The following TMEM114 variants were observed in gnomAD, a reference collection of about 807,000 sequenced individuals.
TMEM114 encodes the protein transmembrane protein 114, also known as claudin-26.
TMEM114 carries 6 observed loss-of-function variants against 6.2 expected under a neutral mutation model. The observed-to-expected ratio is 0.97, with a 90% confidence interval of 0.53 to 1.91. The LOEUF is 1.91. TMEM114 is among the 40% of genes most tolerant of loss of function. The pLI is 0.01. For missense variants in TMEM114, 218 were observed against 158.3 expected (o/e 1.38, Z -2.02); for synonymous variants, 104 against 73.0 (o/e 1.42, Z -2.16).
intron 2 of TMEM114, among the ~76,000 whole-genome samples, chr16:8,587,527 A>C (rs1031288685): frequency 6.6e-6 from 1 of 152,242 alleles, no homozygotes; most frequent in African/African-American, 2.4e-5. Context: ...CAGCATGTGC[A>C]AAATATTTGT....
chr16:8,554,885 C>G (rs987663275), intron 2 of TMEM114, among the ~76,000 whole-genome samples: 1 of 152,194 alleles, frequency 6.6e-6, no homozygotes, highest in Non-Finnish European at 1.5e-5. Context: ...GCAGTTTGTC[C>G]TTCGTACCAC....
At chr16:8,564,383 G>A (rs1399072523) in intron 2 of TMEM114, among the ~76,000 whole-genome samples, 1 of 148,502 alleles carries the variant, frequency 6.7e-6, no homozygotes, top group Non-Finnish European at 1.5e-5. Flanking sequence ...GTGAATGAGT[G>A]AGGGAATGAG....
chr16:8,542,744 T>C (rs745434217), intron 2 of TMEM114, among the ~76,000 whole-genome samples: 1 of 152,110 alleles, frequency 6.6e-6, no homozygotes, highest in Non-Finnish European at 1.5e-5. Flanking sequence ...AGCCTGGGGT[T>C]AGTGGGTTAT....
chr16:8,557,927 T>A (rs1404578842), intron 2 of TMEM114, among the ~76,000 whole-genome samples: 2 of 152,156 alleles, frequency 1.3e-5, no homozygotes, highest in Non-Finnish European at 2.9e-5. Flanking sequence ...ACAACTGAAA[T>A]GTATTCTCTC....
At chr16:8,566,740 G>A (rs1024087634), downstream of TMEM114, among the ~76,000 whole-genome samples, 8 of 151,950 alleles carry the variant, frequency 5.3e-5, no homozygotes, top group Non-Finnish European at 1.0e-4. Context: ...CCACCTCAGG[G>A]CCTTTGCGTC....
intron 2 of TMEM114, among the ~76,000 whole-genome samples, chr16:8,538,813 C>T (rs1377530501): frequency 6.6e-6 from 1 of 152,030 alleles, no homozygotes; most frequent in Non-Finnish European, 1.5e-5. Context: ...CCCGGCCGTG[C>T]TGTGTTTTTA....
downstream of TMEM114, among the ~76,000 whole-genome samples, chr16:8,568,029 C>A (rs1019193153): frequency 2.0e-5 from 3 of 152,132 alleles, no homozygotes; most frequent in African/African-American, 4.8e-5. Flanking sequence ...GAAGTGCAGG[C>A]GTTGGTGGAA....
At chr16:8,564,027 A>G (rs1264930870) in intron 2 of TMEM114, among the ~76,000 whole-genome samples, 1 of 146,456 alleles carries the variant, frequency 6.8e-6, no homozygotes, top group Non-Finnish European at 1.5e-5. Context: ...GTGAATGAGT[A>G]AATGAGTGAC....
Position 8,538,894 on chromosome 16 carries a change from C to G in TMEM114, n.213-1068G>C, listed in dbSNP as rs556045557. 8.5e-5 allele frequency among the ~76,000 whole-genome samples: 13 copies of G among 152,204 alleles called. 1 individual carries two copies. In the South Asian group the frequency reaches 2.7e-3, roughly 32 times the overall value. On this transcript the variant is annotated intron_variant and non_coding_transcript_variant, in intron 2 of 2. Transcript: ENST00000623677. ...ATTTGAATACAGTAGATAAATTTGTCTTATATTTAAATTATATCATTTATA... is the reference window on the plus strand; with the variant it reads ...ATTTGAATACAGTAGATAAATTTGTGTTATATTTAAATTATATCATTTATA...
chr16:8,544,920 T>TTCTCTCTCTC lies in TMEM114; in HGVS notation n.213-7104_213-7095dup, dbSNP rs144585319. ...GTGGTTACTCTTCTCCTCAACATCTTTCTCTCTCTCTCTCTCTCTCTCCAC... is the reference window on the plus strand; with the variant it reads ...GTGGTTACTCTTCTCCTCAACATCTTTCTCTCTCTCTCTCTCTCTCTCTCTCTCTCTCCAC... On this transcript the variant is annotated intron_variant and non_coding_transcript_variant, in intron 2 of 2. Coordinates refer to the TMEM114 transcript ENST00000623677. 2.7e-3 allele frequency among the ~76,000 whole-genome samples: 403 copies of TTCTCTCTCTC among 147,942 alleles called. 1 individual carries two copies. Among genetic ancestry groups the TTCTCTCTCTC allele is most frequent in the African/African-American group, 8.6e-3 (345 of 40,222 alleles).
intron 2 of TMEM114, among the ~76,000 whole-genome samples, chr16:8,555,665 C>T (rs1900986603): frequency 6.6e-6 from 1 of 152,172 alleles, no homozygotes; most frequent in Non-Finnish European, 1.5e-5. Flanking sequence ...GTCGATGACT[C>T]CCCATGCATC....
downstream of TMEM114, among the ~76,000 whole-genome samples, chr16:8,534,019 T>C (rs1408998665): frequency 6.6e-6 from 1 of 152,198 alleles, no homozygotes; most frequent in Non-Finnish European, 1.5e-5. Flanking sequence ...TGAAAATGGC[T>C]CTCGTTTTGA....
chr16:8,589,287 C>T lies in TMEM114; in HGVS notation c.227G>A (p.Ser76Asn). Residue 76 changes from serine to asparagine, a missense_variant, in exon 2 of 4, where the codon AGC becomes AAC. Physicochemically the swap from Ser to Asn is conservative, Grantham distance 46. Transcript: ENST00000620492. ...SGLWRTCRVQ[S>N]PCTPLMNPFR... ...GGGGTTCATCAGCGGTGTGCACGGG[C>T]TCTGCACTGGATAGGACGGAGGAAT... The T allele has an allele frequency of 2.5e-6, 1 of 398,850 alleles. No individual in the cohort carries two copies. The highest frequency in any genetic ancestry group is 4.4e-6 in the Non-Finnish European group (1 of 226,238). The allele number at this position is 398,850 out of a possible 1,614,324, so 24.7% of individuals were successfully genotyped here. A position where few individuals can be genotyped will look rare whatever the true frequency, so the allele number is the denominator to read the frequency against.
At chr16:8,553,466 G>A (rs563437188) in intron 2 of TMEM114, among the ~76,000 whole-genome samples, 1 of 151,272 alleles carries the variant, frequency 6.6e-6, no homozygotes, top group Non-Finnish European at 1.5e-5. Flanking sequence ...GCACTATCTA[G>A]GCTCACTGCA....
At chr16:8,555,039 C>G (rs1297282956) in intron 2 of TMEM114, among the ~76,000 whole-genome samples, 1 of 152,230 alleles carries the variant, frequency 6.6e-6, no homozygotes, top group Admixed American at 6.5e-5. Context: ...CCTTCCCACT[C>G]ATGGGGTTTC....
At chr16:8,530,038 C>T in the TMEM114 span, among the ~76,000 whole-genome samples, 1 of 152,186 alleles carries the variant, frequency 6.6e-6, no homozygotes, top group Non-Finnish European at 1.5e-5. Flanking sequence ...AATTTTACTC[C>T]ATACCAATTC....
chr16:8,576,747 GA>G (rs1901949198), intron 2 of TMEM114, among the ~76,000 whole-genome samples: 1 of 151,476 alleles, frequency 6.6e-6, no homozygotes, highest in African/African-American at 2.4e-5. Context: ...AGGAAGGAAG[GA>G]AGGAAGGAAG....
Position 8,569,704 on chromosome 16 carries a change from C to A in TMEM114, c.*69G>T. On this transcript the variant is annotated 3_prime_UTR_variant, in exon 4 of 4. Transcript: ENST00000620492. ...CCTTTGAGGAAGAAGAGGCCGCAGC[C>A]GATGGAGATCGGTCGGTGAAGCTCC... 2.0e-6 allele frequency: 3 copies of A among 1,477,346 alleles called. No homozygotes were observed. Among genetic ancestry groups the A allele is most frequent in the Non-Finnish European group, 2.7e-6 (3 of 1,111,838 alleles). The allele number at this position is 1,477,346 out of a possible 1,614,324, so 91.5% of individuals were successfully genotyped here. A position where few individuals can be genotyped will look rare whatever the true frequency, so the allele number is the denominator to read the frequency against.
chr16:8,587,228 C>A (rs1902346295), intron 2 of TMEM114, among the ~76,000 whole-genome samples: 1 of 152,070 alleles, frequency 6.6e-6, no homozygotes, highest in Non-Finnish European at 1.5e-5. Context: ...TATATTCATA[C>A]AATAAATACA....
Sources: gnomAD v4.1 joint callset for allele counts (sites outside exome capture counted in the v4.1 genomes callset) on GRCh38, gnomAD v4.1.1 for gene constraint, MANE v1.5 for transcripts, NCBI Gene and HGNC (gene_info 2026-07-23, HGNC 2026-07-21) for gene names.